Variants in TMEM67 observed in about 807,000 individuals in gnomAD.
TMEM67 encodes the protein meckelin.
In TMEM67, 124 loss-of-function variants were observed where a neutral mutation model predicts 136.6. The ratio of observed to expected loss-of-function variants is 0.91; its 90% CI spans 0.78 to 1.05. The LOEUF (loss-of-function observed/expected upper bound fraction) is 1.05, where lower values mean the gene tolerates loss of function less well. Among genes scored for constraint, TMEM67 ranks in the 50% least tolerant of loss-of-function variants. The probability of loss-of-function intolerance (pLI) is 0.00; values close to 1 mark genes in which losing one functional copy is unlikely to be tolerated. For missense variants in TMEM67, 1,107 were observed against 1,178.4 expected, an observed-to-expected ratio of 0.94 and a Z score of 0.89; for synonymous variants, 364 against 390.5, an observed-to-expected ratio of 0.93 and a Z score of 0.80.
intron 6 of TMEM67, among the ~76,000 whole-genome samples, 182 bp from the exon 7 acceptor site, chr8:93,772,407 G>A (rs187639335): frequency 2.4e-4 from 37 of 152,224 alleles, no homozygotes; most frequent in Non-Finnish European, 5.0e-4. Context: ...GCCTAAGTGT[G>A]ATTATTTTGT....
In TMEM67 at chr8:93,777,001, G is replaced by A. The variant is rs1409724052; in HGVS notation, c.715-3592G>A. 3.3e-5 allele frequency among the ~76,000 whole-genome samples: 5 copies of A among 152,150 alleles called. No homozygotes were observed. The East Asian group carries it at 5.8e-4, about 18-fold the overall frequency. On this transcript the variant is annotated intron_variant, in intron 7 of 27. Transcript: ENST00000453321. ...GGTCCTGGACTTTTTTTGGTTGGTA[G>A]GCTATTGATTATTGCCTCAATTTCA...
At position 93,803,688 on chromosome 8, in the gene TMEM67, AG is replaced by A. The variant is rs863225240; in HGVS notation, c.2322+5del. ...TGATTTATGCTCTATGAGTAATGTA[AG>A]TACTTTCTGACTTCATCTTGCAACT... On this transcript the variant is annotated splice_donor_5th_base_variant and intron_variant, in intron 22 of 27. Transcript: ENST00000453321. 6.6e-7 allele frequency: 1 copy of A among 1,505,152 alleles called. No homozygotes were observed. The highest frequency in any genetic ancestry group is 2.3e-5 in the East Asian group (1 of 44,232). The allele number at this position is 1,505,152 out of a possible 1,614,324, so 93.2% of individuals were successfully genotyped here.
intron 12 of TMEM67, chr8:93,785,879 A>T: frequency 3.4e-6 from 1 of 295,222 alleles, no homozygotes; most frequent in South Asian, 3.7e-5. Context: ...TTGAAGACCA[A>T]CCTAGGCAAC....
chr8:93,821,307 G>C (rs887666578), downstream of TMEM67, among the ~76,000 whole-genome samples: 8 of 152,028 alleles, frequency 5.3e-5, no homozygotes, highest in African/African-American at 1.9e-4. Context: ...TTTGAGACAG[G>C]GTCACTCTCT....
intron 26 of TMEM67, among the ~76,000 whole-genome samples, chr8:93,813,781 G>T (rs1470316659): frequency 6.6e-6 from 1 of 152,142 alleles, no homozygotes; most frequent in Non-Finnish European, 1.5e-5. Context: ...GGACCAGGTT[G>T]TAGGAGAAAG....
downstream of TMEM67, among the ~76,000 whole-genome samples, chr8:93,820,208 C>T (rs748877773): frequency 5.9e-5 from 9 of 152,108 alleles, no homozygotes; most frequent in East Asian, 3.9e-4. Context: ...CATGGTGTGC[C>T]GTGCCATCTG....
chr8:93,786,204 T>C lies in TMEM67; in HGVS notation c.1289-19T>C, dbSNP rs745768246. 5 of 1,611,870 alleles carry C rather than the reference T, an allele frequency of 3.1e-6. No homozygotes were observed. Among genetic ancestry groups the C allele is most frequent in the Admixed American group, 1.7e-5 (1 of 59,802 alleles). ...GTTTTAAATTTGTGCAGTAAACTTT[T>C]TTCTTTTTATAATAAAAGACAGCAA... On this transcript the variant is annotated intron_variant, in intron 12 of 27. Coordinates refer to ENST00000453321, the MANE Select transcript of TMEM67 (RefSeq NM_153704.6).
intron 2 of TMEM67, chr8:93,756,509 A>C (rs942043787): frequency 1.3e-5 from 2 of 152,172 alleles, no homozygotes; most frequent in Non-Finnish European, 2.9e-5. Context: ...TCTCATTGTC[A>C]TATAAAAAAT....
At chr8:93,774,663 C>T (rs905018442) in intron 7 of TMEM67, among the ~76,000 whole-genome samples, 1 of 152,188 alleles carries the variant, frequency 6.6e-6, no homozygotes, top group African/African-American at 2.4e-5. Flanking sequence ...CCAGCTTCAT[C>T]CATGTCCCTG....
Position 93,816,771 on chromosome 8 carries a change from GTAGAT to G in TMEM67, c.*322_*326del. On this transcript the variant is annotated 3_prime_UTR_variant, in exon 28 of 28. Transcript: ENST00000453321. ...AAAACAGTCCCCATCATTTGTCTCT[GTAGAT>G]TATTTTATAAACTGAGAGCTGCCTG... 1 of 166,168 alleles carries G rather than the reference GTAGAT, an allele frequency of 6.0e-6. No individual in the cohort carries two copies. The highest frequency in any genetic ancestry group is 1.3e-5 in the Non-Finnish European group (1 of 77,292). 10.3% of individuals were successfully genotyped at this position (166,168 alleles called of 1,614,324 possible).
At chr8:93,827,836 A>G in the TMEM67 span, among the ~76,000 whole-genome samples, 1 of 151,768 alleles carries the variant, frequency 6.6e-6, no homozygotes, top group East Asian at 1.9e-4. Flanking sequence ...GTGGCTAAGA[A>G]ACCCTGTTTC....
chr8:93,826,123 CTTTTTTTTTTTTTTTTTTTTTTTTTTT>C, the TMEM67 span, among the ~76,000 whole-genome samples: 5 of 52,372 alleles, frequency 9.5e-5, no homozygotes, highest in Admixed American at 1.4e-3. Context: ...TTAATCATGT[CTTTTTTTTTTTTTTTTTTTTTTTTTTT>C]TGAGTCGGAG....
intron 2 of TMEM67, chr8:93,756,708 A>G (rs572812262): frequency 3.3e-4 from 50 of 152,336 alleles, no homozygotes; most frequent in African/African-American, 1.2e-3. Flanking sequence ...CATGATAAAA[A>G]GCTGCTAATA....
chr8:93,754,935 TG>T lies in TMEM67; in HGVS notation c.25del (p.Val9TrpfsTer14), dbSNP rs1406137156. MATRGGA[G>X]VAMAVWSLLS... Reference sequence around the variant, plus strand: ...GTACCATGGCGACGCGCGGTGGGGCTGGGGTGGCAATGGCGGTTTGGTCCCT... The same window carrying T: ...GTACCATGGCGACGCGCGGTGGGGCTGGGTGGCAATGGCGGTTTGGTCCCT... On this transcript the variant is annotated frameshift_variant, in exon 1 of 28. Coordinates refer to ENST00000453321, the MANE Select transcript of TMEM67 (RefSeq NM_153704.6). LOFTEE classifies it high-confidence loss of function. 2 of 1,613,818 alleles carry T rather than the reference TG, an allele frequency of 1.2e-6. No individual in the cohort carries two copies. The highest frequency in any genetic ancestry group is 1.7e-6 in the Non-Finnish European group (2 of 1,180,022).
At chr8:93,793,386 A>C in intron 16 of TMEM67, 90 bp downstream of exon 16, 2 of 1,127,478 alleles carry the variant, frequency 1.8e-6, no homozygotes, top group Non-Finnish European at 1.3e-6. Context: ...TAAGTAAAAA[A>C]GTTGCATTGA....
chr8:93,808,132 A>G (rs1815237349), intron 23 of TMEM67, among the ~76,000 whole-genome samples: 1 of 151,020 alleles, frequency 6.6e-6, no homozygotes, highest in Non-Finnish European at 1.5e-5. Context: ...GGAAGCTAAG[A>G]ATATCAATAT....
At chr8:93,792,279 C>T (rs1384925167) in intron 15 of TMEM67, among the ~76,000 whole-genome samples, 1 of 152,070 alleles carries the variant, frequency 6.6e-6, no homozygotes. Flanking sequence ...TTAAGCAATT[C>T]CCCTGCCTCA....
At chr8:93,763,282 A>G (rs1376973669) in intron 3 of TMEM67, among the ~76,000 whole-genome samples, 2 of 152,188 alleles carry the variant, frequency 1.3e-5, no homozygotes, top group Non-Finnish European at 2.9e-5. Flanking sequence ...TGGATATACC[A>G]TCATTCTGCT....
chr8:93,787,558 A>G (rs111329100), intron 13 of TMEM67, among the ~76,000 whole-genome samples: 1 of 152,236 alleles, frequency 6.6e-6, no homozygotes, highest in South Asian at 2.1e-4. Context: ...TAAACTTCAC[A>G]GGACTTGGAT....
Sources: allele counts gnomAD v4.1 joint callset (sites outside exome capture counted in the v4.1 genomes callset), GRCh38; gene constraint gnomAD v4.1.1; transcripts MANE v1.5; gene names NCBI Gene and HGNC (gene_info 2026-07-23, HGNC 2026-07-21).